Variants in SUCO observed in about 807,000 individuals in gnomAD.
SUCO encodes the protein SUN domain containing ossification factor.
A neutral mutation model predicts 148.1 loss-of-function variants in SUCO; 57 were observed. That is an observed-to-expected ratio of 0.38 (90% confidence interval 0.31 to 0.48). The LOEUF is 0.48. Among genes scored for constraint, SUCO ranks in the 20% least tolerant of loss-of-function variants. The probability of loss-of-function intolerance (pLI) is 0.96; values close to 1 mark genes in which losing one functional copy is unlikely to be tolerated. For synonymous variants in SUCO, 470 were observed against 502.7 expected (o/e 0.93, Z 0.87); for missense variants, 1,331 against 1,468.2 (o/e 0.91, Z 1.53).
rs190870440 is a variant in SUCO, at chr1:172,592,288, T to C, written c.2913+1217T>C. ...AGAAGCTCTTTAGTTTAATTAGATC[T>C]CATTTGTCAATTTCAGCTTTTGTTG... On this transcript the variant is annotated intron_variant, in intron 19 of 23. Transcript: ENST00000263688. Among the ~76,000 whole-genome samples, 457 of 152,286 alleles carry C rather than the reference T, an allele frequency of 3.0e-3. 1 individual carries two copies. The highest frequency in any genetic ancestry group is 0.011 in the African/African-American group (442 of 41,574).
Position 172,588,849 on chromosome 1 carries a change from A to C in SUCO, c.1748A>C (p.Glu583Ala). 1 of 1,612,568 alleles carries C rather than the reference A, an allele frequency of 6.2e-7. No homozygotes were observed. Among genetic ancestry groups the C allele is most frequent in the African/African-American group, 1.3e-5 (1 of 74,996 alleles). ...KESPIVQLVQ[E>A]EEEEASPSTV... is the part of the protein sequence containing the mutation. Reference sequence around the variant, plus strand: ...AGTCCCATTGTACAGTTAGTTCAAGAGGAGGAAGAGGAGGCAAGTCCATCT... The same window carrying C: ...AGTCCCATTGTACAGTTAGTTCAAGCGGAGGAAGAGGAGGCAAGTCCATCT... Residue 583 changes from glutamate to alanine, a missense_variant, in exon 18 of 24, where the codon GAG (glutamate) becomes GCG (alanine). Around this residue, in one of 3 missense-constraint regions of SUCO, gnomAD observed 992 missense variants for 1,093.5 expected, o/e 0.91. Coordinates refer to ENST00000263688, the MANE Select transcript of SUCO (RefSeq NM_014283.5).
intron 11 of SUCO, chr1:172,576,951 C>A: frequency 1.5e-6 from 1 of 684,030 alleles, no homozygotes; most frequent in Non-Finnish European, 1.8e-6. Flanking sequence ...TAATAGCATA[C>A]ATTCGAAAGG....
At chr1:172,579,853 A>G (rs969749388) in intron 15 of SUCO, among the ~76,000 whole-genome samples, 3 of 152,146 alleles carry the variant, frequency 2.0e-5, no homozygotes, top group Non-Finnish European at 4.4e-5. Context: ...CTGTGTAGGT[A>G]TATTTCAATG....
intron 16 of SUCO, 86 bp downstream of exon 16, chr1:172,585,172 AT>A: frequency 9.1e-7 from 1 of 1,093,352 alleles, no homozygotes; most frequent in Middle Eastern, 2.3e-4. Context: ...AGTTAAGAAA[AT>A]TTGATTGTTT....
intron 6 of SUCO, chr1:172,568,396 C>T (rs1308462185): frequency 3.1e-6 from 3 of 966,752 alleles, no homozygotes; most frequent in Middle Eastern, 5.2e-4. Context: ...AGATACTTCT[C>T]TCAGTGTGTG....
rs1395096327 is a variant in SUCO, at chr1:172,609,216, C to A, written c.3321+414C>A. On this transcript the variant is annotated intron_variant, in intron 23 of 23. Coordinates refer to ENST00000263688, the MANE Select transcript of SUCO (RefSeq NM_014283.5). ...CACAACCTGAAGATGATGTTATCCT[C>A]ATTTTTTTTTTTAATAAAAAAACAG... The A allele has an allele frequency of 3.7e-6, 3 of 810,992 alleles. No individual in the cohort carries two copies. In the African/African-American group the frequency reaches 6.3e-5, roughly 17 times the overall value. 50.2% of individuals were successfully genotyped at this position (810,992 alleles called of 1,614,324 possible). A position where few individuals can be genotyped will look rare whatever the true frequency, so the allele number is the denominator to read the frequency against.
At chr1:172,549,607 C>T (rs957305370) in intron 1 of SUCO, among the ~76,000 whole-genome samples, 2 of 151,824 alleles carry the variant, frequency 1.3e-5, no homozygotes, top group Non-Finnish European at 2.9e-5. Context: ...ATGAAATTTC[C>T]CTTGGCACAA....
chr1:172,555,833 C>T (rs768796388), intron 3 of SUCO, 36 bp from the exon 4 acceptor site: 8 of 1,538,664 alleles, frequency 5.2e-6, no homozygotes, highest in Non-Finnish European at 7.1e-6. Flanking sequence ...ATATTAATCT[C>T]AACATTTAAT....
At chr1:172,555,559 A>G (rs1653678075) in intron 3 of SUCO, among the ~76,000 whole-genome samples, 1 of 152,150 alleles carries the variant, frequency 6.6e-6, no homozygotes, top group African/African-American at 2.4e-5. Flanking sequence ...CTTTGTTGCT[A>G]CTATCATTCA....
At chr1:172,577,740 A>T in intron 12 of SUCO, 24 bp from the exon 13 acceptor site, 1 of 1,608,562 alleles carries the variant, frequency 6.2e-7, no homozygotes, top group Non-Finnish European at 8.5e-7. Context: ...CTGGCTTCCC[A>T]TTTTATGTGC....
At chr1:172,540,135 G>C (rs1243310384) in intron 1 of SUCO, among the ~76,000 whole-genome samples, 1 of 152,202 alleles carries the variant, frequency 6.6e-6, no homozygotes. Context: ...GCACAAAGAA[G>C]TTAAGTTCTT....
chr1:172,586,900 G>A (rs913084494), intron 17 of SUCO, among the ~76,000 whole-genome samples: 1 of 152,128 alleles, frequency 6.6e-6, no homozygotes, highest in Non-Finnish European at 1.5e-5. Context: ...TATAGCGTAT[G>A]TGTTATTGAT....
chr1:172,578,664 C>A, intron 14 of SUCO: 1 of 489,888 alleles, frequency 2.0e-6, no homozygotes, highest in Non-Finnish European at 2.6e-6. Flanking sequence ...TATCCCTATG[C>A]CAGGGCCAAA....
At chr1:172,585,752 C>A in intron 16 of SUCO, 106 bp from the exon 17 acceptor site, 1 of 708,436 alleles carries the variant, frequency 1.4e-6, no homozygotes, top group South Asian at 2.2e-5. Flanking sequence ...CAGTAGCAAA[C>A]CTATTTGGCT....
intron 9 of SUCO, among the ~76,000 whole-genome samples, chr1:172,571,047 G>C (rs1385873468): frequency 6.6e-6 from 1 of 152,220 alleles, no homozygotes; most frequent in Non-Finnish European, 1.5e-5. Context: ...TAATTCCTGA[G>C]CTGAATCTTG....
rs930595368 is a variant in SUCO, at chr1:172,586,264, A to G, written c.1658+316A>G. Among the ~76,000 whole-genome samples the G allele has an allele frequency of 3.9e-5, 6 of 152,124 alleles. No individual in the cohort carries two copies. In the South Asian group the frequency reaches 1.2e-3, roughly 32 times the overall value. ...CTCTGCAGGTATAGGCTTGAGGACA[A>G]ATTTTAAAGGCCCCCCCTTTTTTTT... On this transcript the variant is annotated intron_variant, in intron 17 of 23. Coordinates refer to ENST00000263688, the MANE Select transcript of SUCO (RefSeq NM_014283.5).
chr1:172,562,129 T>C (rs1294409964), intron 6 of SUCO, among the ~76,000 whole-genome samples: 1 of 152,080 alleles, frequency 6.6e-6, no homozygotes, highest in African/African-American at 2.4e-5. Flanking sequence ...CCCACAGACC[T>C]CTCTCTAAGA....
chr1:172,560,822 G>A (rs1379893058), intron 6 of SUCO, among the ~76,000 whole-genome samples: 1 of 152,204 alleles, frequency 6.6e-6, no homozygotes, highest in Non-Finnish European at 1.5e-5. Flanking sequence ...AGTCAGGAGT[G>A]GTTATGGGGT....
chr1:172,598,558 C>A (rs1011962159), intron 19 of SUCO, among the ~76,000 whole-genome samples: 20 of 152,192 alleles, frequency 1.3e-4, no homozygotes, highest in Non-Finnish European at 1.5e-5. Flanking sequence ...GCTTCTGACT[C>A]ATGAACGCAG....
Sources: allele counts gnomAD v4.1 joint callset (sites outside exome capture counted in the v4.1 genomes callset), GRCh38; gene constraint gnomAD v4.1.1; regional missense constraint gnomAD v4.1.1; transcripts MANE v1.5; gene names NCBI Gene and HGNC (gene_info 2026-07-23, HGNC 2026-07-21).